Variants in PPP1R8 observed in about 807,000 individuals in gnomAD.
PPP1R8 encodes protein phosphatase 1 regulatory subunit 8.
A neutral mutation model predicts 31.3 loss-of-function variants in PPP1R8; 4 were observed. That is an observed-to-expected ratio of 0.13 (90% CI 0.06 to 0.29). The LOEUF is 0.29. PPP1R8 is among the 10% of genes least tolerant of loss of function. The pLI, the probability that PPP1R8 is intolerant of heterozygous loss-of-function variation, is 1.00. For missense variants in PPP1R8, 254 were observed against 440.1 expected (o/e 0.58, Z 3.78); for synonymous variants, 170 against 169.7 (o/e 1.00, Z -0.01).
intron 2 of PPP1R8, among the ~76,000 whole-genome samples, chr1:27,838,494 G>T (rs1472971522): frequency 1.3e-5 from 2 of 152,142 alleles, no homozygotes; most frequent in Non-Finnish European, 2.9e-5. Context: ...AAATTATTCT[G>T]AGTACTTTAT....
chr1:27,840,989 A>T, intron 3 of PPP1R8, 25 bp from the exon 4 acceptor site: 1 of 1,610,676 alleles, frequency 6.2e-7, no homozygotes, highest in Non-Finnish European at 8.5e-7. Context: ...TTTCCCCCTT[A>T]CGTTTCTGAT....
intron 2 of PPP1R8, 74 bp downstream of exon 2, chr1:27,832,890 CT>C (rs1467473543): frequency 4.1e-6 from 5 of 1,234,272 alleles, no homozygotes; most frequent in Admixed American, 4.2e-5. Flanking sequence ...TTTCCACCCC[CT>C]CTCCTGTGCT....
rs753941392 is a variant in PPP1R8 at position 27,830,901 on chromosome 1, G to C, written c.56+10G>C. On this transcript the variant is annotated intron_variant, in intron 1 of 6. Transcript: ENST00000311772. ...TCGACTGCCCAACCTGGTGAGTGGC[G>C]GGGCGGCCAGGGCTAGAGTGGCCCG... The C allele has an allele frequency of 1.3e-6, 2 of 1,561,842 alleles. No homozygotes were observed. Among genetic ancestry groups the C allele is most frequent in the East Asian group, 4.8e-5 (2 of 41,694 alleles).
Position 27,851,602 on chromosome 1 carries a change from C to T in PPP1R8, c.*1156C>T. 3.9e-6 allele frequency: 2 copies of T among 509,370 alleles called. No individual in the cohort carries two copies. The highest frequency in any genetic ancestry group is 7.8e-6 in the Non-Finnish European group (2 of 255,086). The allele number at this position is 509,370 out of a possible 1,614,324, so 31.6% of individuals were successfully genotyped here. ...CATCTGGAAATGTTTGCTAAAGGCA[C>T]AGTCACTGGGCTTGGGAGGCAATGC... On this transcript the variant is annotated 3_prime_UTR_variant, in exon 7 of 7. Coordinates refer to ENST00000311772, the MANE Select transcript of PPP1R8 (RefSeq NM_014110.5).
chr1:27,849,945 T>C, intron 6 of PPP1R8, 148 bp from the exon 7 acceptor site: 1 of 687,810 alleles, frequency 1.5e-6, no homozygotes, highest in South Asian at 2.6e-5. Context: ...ATGAAATAGG[T>C]TGTCTGGAAA....
At position 27,843,339 on chromosome 1, in the gene PPP1R8, T is replaced by C; in HGVS notation, c.637+9T>C. 6.2e-7 allele frequency: 1 copy of C among 1,610,668 alleles called. No individual in the cohort carries two copies. Among genetic ancestry groups the C allele is most frequent in the Non-Finnish European group, 8.5e-7 (1 of 1,177,090 alleles). ...TGAGATCATCAACCCAGGTGAGGTA[T>C]CTTGCTAGTTTATTCTGATGAAAAA... On this transcript the variant is annotated intron_variant, in intron 5 of 6. Transcript: ENST00000311772.
At chr1:27,831,209 C>G in intron 1 of PPP1R8, 3 of 1,115,310 alleles carry the variant, frequency 2.7e-6, no homozygotes, top group Non-Finnish European at 3.3e-6. Context: ...GACTGAGTGC[C>G]TGGTGCTCTC....
At chr1:27,834,415 A>G in intron 2 of PPP1R8, 1 of 518,748 alleles carries the variant, frequency 1.9e-6, no homozygotes, top group Non-Finnish European at 3.8e-6. Flanking sequence ...ACTTGATACT[A>G]ACCGAGCTGT....
rs1252689959 is a variant in PPP1R8 at position 27,843,293 on chromosome 1, G to A, written c.600G>A (p.Arg200=). The A allele has an allele frequency of 1.2e-6, 2 of 1,614,150 alleles. No homozygotes were observed. The highest frequency in any genetic ancestry group is 3.3e-5 in the Admixed American group (2 of 60,018). The change falls in exon 5 of 7, where the codon CGG becomes CGA. Residue 200 remains arginine (R), a synonymous_variant. Transcript: ENST00000311772. ...QRPKRKRKNS[R]VTFSEDDEII... is the part of the protein sequence containing the mutation. ...CAAAGAGGAAGAGGAAGAACTCACG[G>A]GTGACATTCAGTGAGGATGATGAGA... is the stretch of plus-strand genomic sequence containing the variant.
At position 27,849,675 on chromosome 1, in the gene PPP1R8, G is replaced by A. The variant is rs994466377; in HGVS notation, c.703-418G>A. The stretch of plus-strand genomic sequence containing the variant: ...GGCTAATTTTTGTATTTTTAGTAGA[G>A]ATGGGGTTTTGCCATGTTGGCCAGG... On this transcript the variant is annotated intron_variant, in intron 6 of 6. Coordinates refer to ENST00000311772, the MANE Select transcript of PPP1R8 (RefSeq NM_014110.5). Among the ~76,000 whole-genome samples the A allele has an allele frequency of 3.9e-5, 6 of 152,104 alleles. No homozygotes were observed. In the East Asian group the frequency reaches 1.2e-3, roughly 29 times the overall value.
intron 5 of PPP1R8, 84 bp downstream of exon 5, chr1:27,843,414 TG>T: frequency 1.9e-6 from 3 of 1,555,916 alleles, no homozygotes; most frequent in Non-Finnish European, 2.6e-6. Flanking sequence ...CCTAGCACTT[TG>T]GGAGGCCGAG....
At chr1:27,847,982 G>C (rs1340150631) in intron 6 of PPP1R8, among the ~76,000 whole-genome samples, 2 of 152,168 alleles carry the variant, frequency 1.3e-5, no homozygotes, top group East Asian at 3.8e-4. Context: ...TTTCTCTTCG[G>C]ACTCAAAGTA....
intron 1 of PPP1R8, 150 bp from the exon 2 acceptor site, chr1:27,832,606 C>G (rs1458837554): frequency 1.2e-5 from 7 of 586,524 alleles, no homozygotes; most frequent in Non-Finnish European, 2.1e-5. Context: ...TAGAATGGAG[C>G]TGTAATAACA....
At chr1:27,832,669 A>C in intron 1 of PPP1R8, 87 bp from the exon 2 acceptor site, 1 of 1,068,352 alleles carries the variant, frequency 9.4e-7, no homozygotes, top group Non-Finnish European at 1.4e-6. Context: ...GGCTGGTAGG[A>C]GAGCTGCAAT....
chr1:27,850,570 C>A lies in PPP1R8; in HGVS notation c.*124C>A. The A allele has an allele frequency of 1.2e-6, 1 of 853,710 alleles. No individual in the cohort carries two copies. Among genetic ancestry groups the A allele is most frequent in the Non-Finnish European group, 1.8e-6 (1 of 563,764 alleles). The allele number at this position is 853,710 out of a possible 1,614,324, so 52.9% of individuals were successfully genotyped here. ...TATCGTCTTTCAGAATGTCTCCTGGCATCCTAACCATGTAATATGACAATT... is the reference window on the plus strand; with the variant it reads ...TATCGTCTTTCAGAATGTCTCCTGGAATCCTAACCATGTAATATGACAATT... On this transcript the variant is annotated 3_prime_UTR_variant, in exon 7 of 7. Transcript: ENST00000311772.
chr1:27,845,851 G>A lies in PPP1R8; in HGVS notation c.638-1177G>A, dbSNP rs182374582. Reference sequence around the variant, plus strand: ...GTCGCCCAGGCTGGAGTGCAGTGGCGTGATCTCGGCTCACTGCAAGCTCCA... The same window carrying A: ...GTCGCCCAGGCTGGAGTGCAGTGGCATGATCTCGGCTCACTGCAAGCTCCA... On this transcript the variant is annotated intron_variant, in intron 5 of 6. Coordinates refer to ENST00000311772, the MANE Select transcript of PPP1R8 (RefSeq NM_014110.5). 8.0e-4 allele frequency among the ~76,000 whole-genome samples: 113 copies of A among 141,052 alleles called. 1 individual carries two copies. Among genetic ancestry groups the A allele is most frequent in the African/African-American group, 2.7e-3 (99 of 36,190 alleles). 92.5% of individuals were successfully genotyped at this position (141,052 alleles called of 152,430 possible). A position where few individuals can be genotyped will look rare whatever the true frequency, so the allele number is the denominator to read the frequency against.
rs904105230 is a variant in PPP1R8, at chr1:27,847,310, C to T, written c.702+218C>T. Among the ~76,000 whole-genome samples, 39 of 152,168 alleles carry T rather than the reference C, an allele frequency of 2.6e-4. 1 individual carries two copies. The highest frequency in any genetic ancestry group is 9.2e-4 in the African/African-American group (38 of 41,500). On this transcript the variant is annotated intron_variant, in intron 6 of 6. Coordinates refer to ENST00000311772, the MANE Select transcript of PPP1R8 (RefSeq NM_014110.5). The stretch of plus-strand genomic sequence containing the variant: ...TCACCTGAGGTCAGGAGTTCGAGAC[C>T]AACCTGGCCAACATGGTGAAACCCT...
intron 4 of PPP1R8, among the ~76,000 whole-genome samples, chr1:27,842,757 T>C (rs2089235395): frequency 6.6e-6 from 1 of 152,210 alleles, no homozygotes; most frequent in Admixed American, 6.5e-5. Context: ...AGCAGCCAGT[T>C]GTCCTTTTTC....
At chr1:27,847,400 A>G (rs10902672) in intron 6 of PPP1R8, among the ~76,000 whole-genome samples, 26,579 of 151,586 alleles carry the variant, frequency 0.18, 6,033 homozygotes, top group African/African-American at 0.53. Context: ...CCAGCTACTC[A>G]GGAGGCTGAG....
Sources: gnomAD v4.1 joint callset for allele counts (sites outside exome capture counted in the v4.1 genomes callset) on GRCh38, gnomAD v4.1.1 for gene constraint, MANE v1.5 for transcripts, NCBI Gene and HGNC (gene_info 2026-07-23, HGNC 2026-07-21) for gene names.